Variants in SIN3A observed in about 807,000 individuals in gnomAD.
SIN3A encodes paired amphipathic helix protein Sin3a.
SIN3A carries 14 observed loss-of-function variants against 146.1 expected under a neutral mutation model. That is an observed-to-expected ratio of 0.10 (90% CI 0.06 to 0.15). The LOEUF is 0.15. Among genes scored for constraint, SIN3A ranks in the 10% least tolerant of loss-of-function variants. The pLI is 1.00. For synonymous variants in SIN3A, 572 were observed against 572.0 expected (o/e 1.00, Z 0.00); for missense variants, 1,028 against 1,576.0 (o/e 0.65, Z 5.89).
At chr15:75,386,462 A>C (rs1340651465) in intron 16 of SIN3A, among the ~76,000 whole-genome samples, 2 of 152,102 alleles carry the variant, frequency 1.3e-5, no homozygotes, top group Non-Finnish European at 2.9e-5. Flanking sequence ...TCCCACCCCC[A>C]CTGCTAAGCA....
In SIN3A at chr15:75,409,979, T is replaced by G; in HGVS notation, c.1174A>C (p.Thr392Pro). Residue 392 changes from threonine (T) to proline (P), a missense_variant, in exon 8 of 21, where the codon ACA (threonine) becomes CCA (proline). By Grantham distance (38) the Thr-to-Pro change is conservative (BLOSUM62 -1). Around this residue, in one of 9 missense-constraint regions of SIN3A, gnomAD observed 40 missense variants for 74.0 expected, o/e 0.54. Transcript: ENST00000394947. ...ACAGAATCAACCTTCTCAGCAGTTG[T>G]TTTGCTTAAAAGCTGATTAAGACAC... Reference protein sequence around the residue: ...DANSSVLLSKTTAEKVDSVRN... With the variant: ...DANSSVLLSKPTAEKVDSVRN... The G allele has an allele frequency of 6.2e-7, 1 of 1,614,168 alleles. No homozygotes were observed. Among genetic ancestry groups the G allele is most frequent in the Non-Finnish European group, 8.5e-7 (1 of 1,180,036 alleles).
At chr15:75,373,752 A>AT (rs1280835954) in intron 20 of SIN3A, among the ~76,000 whole-genome samples, 4 of 150,408 alleles carry the variant, frequency 2.7e-5, no homozygotes, top group Admixed American at 1.3e-4. Flanking sequence ...GTCTATTTTC[A>AT]TTAAAAAAAA....
intron 9 of SIN3A, among the ~76,000 whole-genome samples, chr15:75,404,875 T>C (rs1415312038): frequency 1.3e-5 from 2 of 152,178 alleles, no homozygotes; most frequent in Non-Finnish European, 2.9e-5. Context: ...CTCACACCTG[T>C]AATCTCAACA....
At chr15:75,387,668 C>T (rs1014103695) in intron 16 of SIN3A, among the ~76,000 whole-genome samples, 1 of 150,554 alleles carries the variant, frequency 6.6e-6, no homozygotes, top group African/African-American at 2.4e-5. Flanking sequence ...CGAAAACCAA[C>T]CTCAGAATTA....
At chr15:75,430,057 A>T (rs190779101) in intron 2 of SIN3A, 130 bp downstream of exon 2, 12 of 572,876 alleles carry the variant, frequency 2.1e-5, no homozygotes, top group African/African-American at 1.9e-4. Context: ...GTACACAGTT[A>T]TTTTTTTTTT....
At position 75,372,064 on chromosome 15, in the gene SIN3A, G is replaced by A. The variant is rs1295570470; in HGVS notation, c.3737C>T (p.Thr1246Ile). 5 of 1,613,996 alleles carry A rather than the reference G, an allele frequency of 3.1e-6. No homozygotes were observed. The highest frequency in any genetic ancestry group is 4.2e-6 in the Non-Finnish European group (5 of 1,179,996). The change falls in exon 21 of 21, where the codon ACC (threonine) becomes ATC (isoleucine). Residue 1246 changes from threonine to isoleucine, a missense_variant. By Grantham distance (89) the Thr-to-Ile change is moderately conservative (BLOSUM62 -1). Coordinates refer to ENST00000394947, the MANE Select transcript of SIN3A (RefSeq NM_001145358.2). ...CAGGGTCTCTGTATCACAGGTGGTG[G>A]TACAGGGCACCAGGCCCTCCAGCCC... ...GEGLEGLVPC[T>I]TTCDTETLHF...
At chr15:75,436,700 G>A (rs1270353856) in intron 1 of SIN3A, among the ~76,000 whole-genome samples, 1 of 151,636 alleles carries the variant, frequency 6.6e-6, no homozygotes, top group Non-Finnish European at 1.5e-5. Context: ...ACTTTGTTGT[G>A]TATTTGGAAA....
chr15:75,397,280 T>G (rs1028835435), intron 12 of SIN3A, among the ~76,000 whole-genome samples: 15 of 152,240 alleles, frequency 9.9e-5, no homozygotes, highest in African/African-American at 3.6e-4. Context: ...GGTAGTCATT[T>G]GGTCAATATT....
Position 75,422,752 on chromosome 15 carries a change from G to A in SIN3A, c.261C>T (p.His87=), listed in dbSNP as rs756715593. The change falls in exon 3 of 21, where the codon CAC becomes CAT. Residue 87 remains histidine (H), a synonymous_variant. Coordinates refer to ENST00000394947, the MANE Select transcript of SIN3A (RefSeq NM_001145358.2). The part of the protein sequence containing the change: ...AIAAVHSSHH[H]PTAVQPHGGQ... The stretch of plus-strand genomic sequence containing the variant: ...CTCCGTGGGGCTGCACCGCTGTTGG[G>A]TGATGATGGCTGCTATGAACTGCTG... 6.2e-7 allele frequency: 1 copy of A among 1,614,200 alleles called. No individual in the cohort carries two copies. Among genetic ancestry groups the A allele is most frequent in the Non-Finnish European group, 8.5e-7 (1 of 1,180,028 alleles).
chr15:75,402,779 C>T (rs922047693), intron 9 of SIN3A, among the ~76,000 whole-genome samples: 38 of 152,016 alleles, frequency 2.5e-4, no homozygotes, highest in African/African-American at 8.5e-4. Context: ...GGATTACAGG[C>T]ATGTGCTACT....
intron 15 of SIN3A, 65 bp from the exon 16 acceptor site, chr15:75,389,886 G>C: frequency 6.6e-7 from 1 of 1,504,006 alleles, no homozygotes; most frequent in Non-Finnish European, 9.1e-7. Context: ...TAGAGTACAG[G>C]GCAAATCCCA....
At position 75,394,720 on chromosome 15, in the gene SIN3A, G is replaced by C; in HGVS notation, c.2237C>G (p.Ser746Cys). The C allele has an allele frequency of 1.2e-6, 2 of 1,613,898 alleles. No homozygotes were observed. The highest frequency in any genetic ancestry group is 2.7e-5 in the African/African-American group (2 of 75,008). ...FKQNDTKVLR[S>C]KSLLNEIESI... ...CTCAATCTCATTGAGTAAGCTCTTA[G>C]ACCTCAGGACCTTGGTGTCATTCTG... Residue 746 changes from serine to cysteine, a missense_variant, in exon 14 of 21, where the codon TCT becomes TGT. By Grantham distance (112) the Ser-to-Cys change is moderately radical. Around this residue, in one of 9 missense-constraint regions of SIN3A, gnomAD observed 488 missense variants for 690.2 expected, o/e 0.71. Transcript: ENST00000394947.
upstream of SIN3A, among the ~76,000 whole-genome samples, chr15:75,455,253 C>T (rs2141659847): frequency 6.6e-6 from 1 of 152,218 alleles, no homozygotes; most frequent in African/African-American, 2.4e-5. Context: ...CTAACTCCAG[C>T]TCTCGAGCAA....
chr15:75,423,534 C>T (rs1423337166), intron 2 of SIN3A, among the ~76,000 whole-genome samples: 2 of 151,884 alleles, frequency 1.3e-5, no homozygotes, highest in Non-Finnish European at 2.9e-5. Flanking sequence ...AAAAATTAAC[C>T]AGGCGTGTTG....
chr15:75,448,961 G>T (rs966289590), intron 1 of SIN3A, among the ~76,000 whole-genome samples: 1 of 152,128 alleles, frequency 6.6e-6, no homozygotes, highest in Non-Finnish European at 1.5e-5. Flanking sequence ...ATTTATCTCT[G>T]AACAAAATTA....
At chr15:75,435,367 A>C (rs1043914061) in intron 1 of SIN3A, among the ~76,000 whole-genome samples, 3 of 152,212 alleles carry the variant, frequency 2.0e-5, no homozygotes, top group African/African-American at 7.2e-5. Flanking sequence ...GTTTATCCAC[A>C]AGTACAAAGA....
rs559824774 is a variant in SIN3A at position 75,447,477 on chromosome 15, T to TA, written c.-34+3945dup. 1.9e-3 allele frequency among the ~76,000 whole-genome samples: 286 copies of TA among 152,288 alleles called. 2 individuals are homozygous for TA. Among genetic ancestry groups the TA allele is most frequent in the African/African-American group, 6.6e-3 (276 of 41,560 alleles). On this transcript the variant is annotated intron_variant, in intron 1 of 20. Transcript: ENST00000394947. ...CTATGGTAGAGGGAGAGATCCCCGT[T>TA]AGAGTCATCAGCATTGTTTGGATTT...
chr15:75,428,220 G>T (rs568366742), intron 2 of SIN3A, among the ~76,000 whole-genome samples: 1 of 152,160 alleles, frequency 6.6e-6, no homozygotes, highest in Non-Finnish European at 1.5e-5. Context: ...ACAAACTCTT[G>T]TATGTCCTCA....
chr15:75,406,990 G>T, intron 9 of SIN3A, 65 bp downstream of exon 9: 3 of 1,170,498 alleles, frequency 2.6e-6, no homozygotes, highest in Non-Finnish European at 3.8e-6. Context: ...AACCTTCCAG[G>T]GGGATAAGAT....
Sources: allele counts gnomAD v4.1 joint callset (sites outside exome capture counted in the v4.1 genomes callset), GRCh38; gene constraint gnomAD v4.1.1; regional missense constraint gnomAD v4.1.1; transcripts MANE v1.5; gene names NCBI Gene and HGNC (gene_info 2026-07-23, HGNC 2026-07-21).